GRIN2A: variants seen among roughly 807,000 people sequenced by gnomAD.
GRIN2A encodes the protein glutamate receptor ionotropic, NMDA 2A.
In GRIN2A, 22 loss-of-function variants were observed where a neutral mutation model predicts 113.4. The observed-to-expected ratio is 0.19, with a 90% confidence interval of 0.14 to 0.28. The LOEUF is 0.28. Among genes scored for constraint, GRIN2A ranks in the 10% least tolerant of loss-of-function variants. The probability of loss-of-function intolerance (pLI) is 1.00; values close to 1 mark genes in which losing one functional copy is unlikely to be tolerated. For missense variants in GRIN2A, 1,502 were observed against 1,887.0 expected, an observed-to-expected ratio of 0.80 and a Z score of 3.78; for synonymous variants, 827 against 738.4, an observed-to-expected ratio of 1.12 and a Z score of -1.94.
At chr16:9,868,670 G>C (rs796571027) in intron 4 of GRIN2A, among the ~76,000 whole-genome samples, 3 of 152,142 alleles carry the variant, frequency 2.0e-5, no homozygotes, top group African/African-American at 7.2e-5. Flanking sequence ...GAAAATGCCT[G>C]ACCATGGTCT....
At chr16:9,836,421 T>C (rs2042584515) in intron 7 of GRIN2A, among the ~76,000 whole-genome samples, 1 of 152,236 alleles carries the variant, frequency 6.6e-6, no homozygotes, top group Non-Finnish European at 1.5e-5. Context: ...TTTTAAACAT[T>C]AGAAGGGACC....
intron 3 of GRIN2A, among the ~76,000 whole-genome samples, chr16:9,924,771 T>C (rs2044424364): frequency 6.6e-6 from 1 of 152,212 alleles, no homozygotes; most frequent in Non-Finnish European, 1.5e-5. Context: ...AGTTCACTGA[T>C]TTTTTTCTTC....
chr16:9,863,656 G>T (rs1310721582), intron 4 of GRIN2A, among the ~76,000 whole-genome samples: 1 of 152,188 alleles, frequency 6.6e-6, no homozygotes, highest in Non-Finnish European at 1.5e-5. Flanking sequence ...CAACCAAGAG[G>T]AATGTCATTA....
chr16:9,808,048 T>C (rs746890793), intron 10 of GRIN2A, among the ~76,000 whole-genome samples: 4 of 152,210 alleles, frequency 2.6e-5, no homozygotes, highest in Non-Finnish European at 5.9e-5. Flanking sequence ...GCTTCTTAGA[T>C]TGTACTTTTC....
intron 4 of GRIN2A, among the ~76,000 whole-genome samples, chr16:9,879,621 T>C (rs532904799): frequency 8.5e-5 from 13 of 152,250 alleles, no homozygotes; most frequent in African/African-American, 2.9e-4. Context: ...CATTTTCCTT[T>C]TAAAGAAGCA....
rs114660167 is a variant in GRIN2A, at chr16:10,008,322, T to A, written c.415-69771A>T. Among the ~76,000 whole-genome samples, 240 of 152,360 alleles carry A rather than the reference T, an allele frequency of 1.6e-3. 3 individuals are homozygous for A. Among genetic ancestry groups the A allele is most frequent in the African/African-American group, 5.7e-3 (235 of 41,590 alleles). On this transcript the variant is annotated intron_variant, in intron 2 of 12. Transcript: ENST00000330684. The stretch of plus-strand genomic sequence containing the variant: ...CTAATTTGGTTGTGTCATGCTGAGA[T>A]ATCCATCTTCTAATACAAATGTAAC...
chr16:10,055,097 G>C (rs368616402), intron 2 of GRIN2A, among the ~76,000 whole-genome samples: 1 of 41,200 alleles, frequency 2.4e-5, no homozygotes, highest in Non-Finnish European at 4.3e-5. Context: ...AAAAAAGAAA[G>C]AAAGAAAGAA....
In GRIN2A at chr16:9,758,984, A is replaced by G. The variant is rs941293835; in HGVS notation, c.*4165T>C. The G allele has an allele frequency of 1.8e-5, 4 of 222,746 alleles. No individual in the cohort carries two copies. Among genetic ancestry groups the G allele is most frequent in the Non-Finnish European group, 2.7e-5 (3 of 111,560 alleles). 13.8% of individuals were successfully genotyped at this position (222,746 alleles called of 1,614,324 possible). A position where few individuals can be genotyped will look rare whatever the true frequency, so the allele number is the denominator to read the frequency against. On this transcript the variant is annotated 3_prime_UTR_variant, in exon 13 of 13. Coordinates refer to ENST00000330684, the MANE Select transcript of GRIN2A (RefSeq NM_001134407.3). ...ACCTACTCAAACTTCTTTTTCTTTG[A>G]GTCCAATCATGTCTACTATAGCCAT...
intron 2 of GRIN2A, among the ~76,000 whole-genome samples, chr16:10,090,841 A>G (rs1424319653): frequency 6.6e-6 from 1 of 152,208 alleles, no homozygotes; most frequent in Admixed American, 6.5e-5. Context: ...ACTCAATAAT[A>G]AAACAAACAG....
At chr16:9,842,516 TCAC>T (rs1167604813) in intron 5 of GRIN2A, among the ~76,000 whole-genome samples, 1 of 152,160 alleles carries the variant, frequency 6.6e-6, no homozygotes, top group Non-Finnish European at 1.5e-5. Context: ...TCCAACATCA[TCAC>T]AGGAAAATTC....
At chr16:9,909,271 C>T (rs1371735768) in intron 3 of GRIN2A, among the ~76,000 whole-genome samples, 2 of 152,174 alleles carry the variant, frequency 1.3e-5, no homozygotes, top group Non-Finnish European at 2.9e-5. Flanking sequence ...ATTCAATTAC[C>T]TCCCACCAGG....
chr16:9,951,083 T>A (rs545373576), intron 2 of GRIN2A, among the ~76,000 whole-genome samples: 1 of 152,236 alleles, frequency 6.6e-6, no homozygotes, highest in South Asian at 2.1e-4. Flanking sequence ...CTTTACCTGG[T>A]CATTCTCCCA....
At chr16:10,065,746 T>C (rs773200715) in intron 2 of GRIN2A, among the ~76,000 whole-genome samples, 3 of 152,228 alleles carry the variant, frequency 2.0e-5, no homozygotes, top group Non-Finnish European at 2.9e-5. Flanking sequence ...TGGAAGAGGA[T>C]TGGATACATT....
At chr16:9,890,435 C>T (rs532935895) in intron 4 of GRIN2A, among the ~76,000 whole-genome samples, 118 of 152,148 alleles carry the variant, frequency 7.8e-4, no homozygotes, top group African/African-American at 2.3e-3. Flanking sequence ...TCTTTGCAAA[C>T]GATTTTTTGT....
chr16:9,778,537 A>G (rs1412319797), intron 11 of GRIN2A, among the ~76,000 whole-genome samples: 1 of 152,250 alleles, frequency 6.6e-6, no homozygotes, highest in Non-Finnish European at 1.5e-5. Context: ...GATTTAAGAA[A>G]AAAAAGGATA....
chr16:10,165,688 AG>A (rs1474079063), intron 2 of GRIN2A, among the ~76,000 whole-genome samples: 2 of 10,478 alleles, frequency 1.9e-4, no homozygotes, highest in East Asian at 7.8e-3. Flanking sequence ...AGGGGAGGGG[AG>A]GGGAGGGGAG....
chr16:9,822,238 G>T, intron 10 of GRIN2A, 26 bp downstream of exon 10: 1 of 1,610,572 alleles, frequency 6.2e-7, no homozygotes, highest in Non-Finnish European at 8.5e-7. Flanking sequence ...GCAGACCTGT[G>T]GTGAAAAGGA....
rs1555481986 is a variant in GRIN2A at position 9,763,315 on chromosome 16, G to C, written c.4229C>G (p.Ser1410Trp). The C allele has an allele frequency of 6.2e-7, 1 of 1,614,116 alleles. No individual in the cohort carries two copies. The highest frequency in any genetic ancestry group is 8.5e-7 in the Non-Finnish European group (1 of 1,179,990). The change falls in exon 13 of 13, where the codon TCG becomes TGG. Residue 1410 changes from serine (S) to tryptophan (W), a missense_variant. By Grantham distance (177) the Ser-to-Trp change is radical. Coordinates refer to ENST00000330684, the MANE Select transcript of GRIN2A (RefSeq NM_001134407.3). ...YLRSSLRSTA[S>W]YCSRDSRGHN... Reference sequence around the variant, plus strand: ...GCCCCGACTGTCCCTGGAACAGTACGATGCCGTTGACCTCAAGGACGACCG... The same window carrying C: ...GCCCCGACTGTCCCTGGAACAGTACCATGCCGTTGACCTCAAGGACGACCG...
intron 2 of GRIN2A, among the ~76,000 whole-genome samples, chr16:9,960,328 A>G (rs898722526): frequency 3.3e-5 from 5 of 152,378 alleles, no homozygotes; most frequent in East Asian, 1.9e-4. Flanking sequence ...TTAAATAAAC[A>G]GATAAAAAAC....
Sources: gnomAD v4.1 joint callset for allele counts (sites outside exome capture counted in the v4.1 genomes callset) on GRCh38, gnomAD v4.1.1 for gene constraint, MANE v1.5 for transcripts, NCBI Gene and HGNC (gene_info 2026-07-23, HGNC 2026-07-21) for gene names.